The following TEP1 variants were observed in gnomAD, a reference collection of about 807,000 sequenced individuals.
TEP1 encodes telomerase associated protein 1.
A neutral mutation model predicts 306.3 loss-of-function variants in TEP1; 241 were observed. The ratio of observed to expected loss-of-function variants is 0.79; its 90% CI spans 0.71 to 0.88. TEP1 has a LOEUF of 0.88. TEP1 is among the 40% of genes least tolerant of loss of function. The probability of loss-of-function intolerance (pLI) is 0.00; values close to 1 mark genes in which losing one functional copy is unlikely to be tolerated. For missense variants in TEP1, 3,051 were observed against 3,276.1 expected, an observed-to-expected ratio of 0.93 and a Z score of 1.68; for synonymous variants, 1,289 against 1,305.5, an observed-to-expected ratio of 0.99 and a Z score of 0.27.
Position 20,395,619 on chromosome 14 carries a change from AG to A in TEP1, c.1758del (p.Pro588LeufsTer4). On this transcript the variant is annotated frameshift_variant, in exon 12 of 55. Transcript: ENST00000262715. LOFTEE classifies it high-confidence loss of function. ...CTCATCAGTGTTATATTCGAAGGAAAGGGCAATGCTGTATGATGACAGGTAA... is the reference window on the plus strand; with the variant it reads ...CTCATCAGTGTTATATTCGAAGGAAAGGCAATGCTGTATGATGACAGGTAA... Reference protein sequence around the residue: ...LEAQLRNQALPFPSNITLMRR... With the variant: ...LEAQLRNQALXFPSNITLMRR... 6.3e-7 allele frequency: 1 copy of A among 1,595,318 alleles called. No homozygotes were observed. The highest frequency in any genetic ancestry group is 2.3e-5 in the East Asian group (1 of 44,282).
At position 20,380,373 on chromosome 14, in the gene TEP1, CG is replaced by C; in HGVS notation, c.4864del (p.Arg1622GlyfsTer42). On this transcript the variant is annotated frameshift_variant, in exon 34 of 55. Coordinates refer to ENST00000262715, the MANE Select transcript of TEP1 (RefSeq NM_007110.5). LOFTEE classifies it high-confidence loss of function. Reference sequence around the variant, plus strand: ...GTTGGCTGCCTGCTGGGGCAGGAGCCGGGGGTACTGGCTGAGGATTGAAGCC... The same window carrying C: ...GTTGGCTGCCTGCTGGGGCAGGAGCCGGGGTACTGGCTGAGGATTGAAGCC... The part of the protein sequence containing the change: ...QQASILSQYP[R>X]LLPQQAANQP... 8 of 1,614,070 alleles carry C rather than the reference CG, an allele frequency of 5.0e-6. No homozygotes were observed. The highest frequency in any genetic ancestry group is 6.8e-6 in the Non-Finnish European group (8 of 1,180,002).
intron 43 of TEP1, among the ~76,000 whole-genome samples, chr14:20,374,855 C>T (rs1035972156): frequency 2.6e-5 from 4 of 151,978 alleles, no homozygotes; most frequent in African/African-American, 4.8e-5. Flanking sequence ...TTTGGGAGGC[C>T]GAGGCAGGTG....
At chr14:20,387,650 T>C (rs1877316976) in intron 18 of TEP1, among the ~76,000 whole-genome samples, 2 of 152,176 alleles carry the variant, frequency 1.3e-5, no homozygotes, top group African/African-American at 4.8e-5. Context: ...GCCCTCTGCC[T>C]ACGCCCTGGC....
intron 2 of TEP1, among the ~76,000 whole-genome samples, chr14:20,406,731 G>A (rs1879208936): frequency 6.6e-6 from 1 of 152,192 alleles, no homozygotes; most frequent in Admixed American, 6.5e-5. Context: ...GGGGTCAGAA[G>A]AAAAAGGGCA....
Position 20,381,943 on chromosome 14 carries a change from G to A in TEP1, c.4394C>T (p.Pro1465Leu), listed in dbSNP as rs372209391. 1.9e-5 allele frequency: 30 copies of A among 1,613,942 alleles called. No individual in the cohort carries two copies. The highest frequency in any genetic ancestry group is 8.3e-5 in the Admixed American group (5 of 59,988). The change falls in exon 30 of 55, where the codon CCG (proline) becomes CTG (leucine). Residue 1465 changes from proline to leucine, a missense_variant. By Grantham distance (98) the Pro-to-Leu change is moderately conservative. Transcript: ENST00000262715. This position sits in a 1 kb window ranked among gnomAD's most constrained non-coding sequence, Gnocchi z 4.0. ...GNSGDPYPMG[P>L]FACLVQSLRS... is the part of the protein sequence containing the mutation. ...CAGACTCTGGACGAGGCAGGCAAAC[G>A]GGCCCATGGGGTAGGGGTCTCCACT... is the stretch of plus-strand genomic sequence containing the variant.
intron 4 of TEP1, 21 bp downstream of exon 4, chr14:20,405,430 C>CCCT (rs1879102415): frequency 6.2e-7 from 1 of 1,613,008 alleles, no homozygotes; most frequent in Non-Finnish European, 8.5e-7. Flanking sequence ...CACCCCCATC[C>CCCT]CCTCCTTCAC....
intron 12 of TEP1, among the ~76,000 whole-genome samples, chr14:20,392,418 T>C (rs1014795213): frequency 4.0e-5 from 6 of 150,260 alleles, no homozygotes; most frequent in Non-Finnish European, 7.4e-5. Flanking sequence ...AGTATATATA[T>C]AGGATCACCT....
chr14:20,384,430 C>T lies in TEP1; in HGVS notation c.3300G>A (p.Leu1100=). Residue 1100 remains leucine (L), a synonymous_variant, in exon 23 of 55, where the codon CTG becomes CTA. Coordinates refer to ENST00000262715, the MANE Select transcript of TEP1 (RefSeq NM_007110.5). Reference sequence around the variant, plus strand: ...TCTGGATCATATTCCATACATCCTGCAGAACCAACTGCCCAAACTCCTCCA... The same window carrying T: ...TCTGGATCATATTCCATACATCCTGTAGAACCAACTGCCCAAACTCCTCCA... ...GGLEEFGQLV[L]QDVWNMIQKL... 6.2e-7 allele frequency: 1 copy of T among 1,614,178 alleles called. No individual in the cohort carries two copies. Among genetic ancestry groups the T allele is most frequent in the Admixed American group, 1.7e-5 (1 of 60,024 alleles).
chr14:20,399,378 G>A (rs1878473678), intron 9 of TEP1, among the ~76,000 whole-genome samples: 1 of 151,924 alleles, frequency 6.6e-6, no homozygotes, highest in South Asian at 2.1e-4. Flanking sequence ...AAAATAAACT[G>A]GACATTTATC....
intron 17 of TEP1, among the ~76,000 whole-genome samples, chr14:20,388,888 G>T (rs1350789838): frequency 1.3e-5 from 2 of 152,168 alleles, no homozygotes; most frequent in South Asian, 2.1e-4. Context: ...GGTGGCTCAC[G>T]CCTGTAATCC....
In TEP1 at chr14:20,407,858, G is replaced by A; in HGVS notation, c.567+15C>T. On this transcript the variant is annotated intron_variant, in intron 2 of 54. Coordinates refer to ENST00000262715, the MANE Select transcript of TEP1 (RefSeq NM_007110.5). ...AGACATGGCTGGAGTCAAGATGAGTGCCTGGAGCTATTACCAAAGTTGCTT... is the reference window on the plus strand; with the variant it reads ...AGACATGGCTGGAGTCAAGATGAGTACCTGGAGCTATTACCAAAGTTGCTT... 1 of 1,571,214 alleles carries A rather than the reference G, an allele frequency of 6.4e-7. No homozygotes were observed. Among genetic ancestry groups the A allele is most frequent in the Non-Finnish European group, 8.6e-7 (1 of 1,156,732 alleles).
chr14:20,400,899 A>G (rs1418907092), intron 9 of TEP1, 85 bp downstream of exon 9: 2 of 1,522,710 alleles, frequency 1.3e-6, no homozygotes, highest in East Asian at 2.3e-5. Flanking sequence ...TCATCATTCC[A>G]CAGAAATCTT....
At position 20,374,397 on chromosome 14, in the gene TEP1, AC is replaced by A. The variant is rs34475416; in HGVS notation, c.6471+31del. 8.1e-5 allele frequency: 125 copies of A among 1,543,318 alleles called. No individual in the cohort carries two copies. In the East Asian group the frequency reaches 2.6e-3, roughly 32 times the overall value. ...CAAAGCCCCCTTAGCCCTTCCAGAG[AC>A]CCCCCAGTGGGATCTCCATTGCTTT... is the stretch of plus-strand genomic sequence containing the variant. On this transcript the variant is annotated intron_variant, in intron 44 of 54. Transcript: ENST00000262715.
chr14:20,369,856 T>C, intron 51 of TEP1, 77 bp from the exon 52 acceptor site: 1 of 1,149,396 alleles, frequency 8.7e-7, no homozygotes, highest in Non-Finnish European at 1.3e-6. Flanking sequence ...AGTTTTCTGC[T>C]CTGGGCTGGT....
At chr14:20,406,163 G>A in intron 3 of TEP1, 70 bp downstream of exon 3, 1 of 1,547,952 alleles carries the variant, frequency 6.5e-7, no homozygotes, top group Non-Finnish European at 8.8e-7. Context: ...AGGGGACCTG[G>A]TTCAAGTACT....
chr14:20,412,284 A>T (rs2139228633), intron 1 of TEP1, among the ~76,000 whole-genome samples: 1 of 152,258 alleles, frequency 6.6e-6, no homozygotes, highest in Middle Eastern at 3.4e-3. Flanking sequence ...TTTAAAAGAG[A>T]TCTCAAGCCA....
intron 1 of TEP1, among the ~76,000 whole-genome samples, chr14:20,410,793 T>C (rs1594383650): frequency 1.5e-5 from 2 of 136,320 alleles, no homozygotes; most frequent in Non-Finnish European, 1.6e-5. Context: ...TAATTGTTTC[T>C]CCTTTGTGGT....
chr14:20,401,862 A>G (rs2139174988), intron 7 of TEP1, among the ~76,000 whole-genome samples: 1 of 152,340 alleles, frequency 6.6e-6, no homozygotes, highest in Admixed American at 6.5e-5. Flanking sequence ...GGATAGAATG[A>G]ACACAGGACA....
rs1222318269 is a variant in TEP1 at position 20,381,559 on chromosome 14, T to A, written c.4552A>T (p.Ile1518Phe). The change falls in exon 31 of 55, where the codon ATT becomes TTT. Residue 1518 changes from isoleucine (I) to phenylalanine (F), a missense_variant. Ile to Phe is a conservative substitution (Grantham distance 21, BLOSUM62 0). Coordinates refer to ENST00000262715, the MANE Select transcript of TEP1 (RefSeq NM_007110.5). The surrounding 1 kb of genome is among the most constrained non-coding windows in gnomAD (Gnocchi z 4.0). ...TGACTTGGGCTGCAATCACCTGCAATGAGGATGTGTGCCGTGTCCTCTAGC... is the reference window on the plus strand; with the variant it reads ...TGACTTGGGCTGCAATCACCTGCAAAGAGGATGTGTGCCGTGTCCTCTAGC... Reference protein sequence around the residue: ...PGLEDTAHILIAAQLWKTCDA... With the variant: ...PGLEDTAHILFAAQLWKTCDA... 6.2e-7 allele frequency: 1 copy of A among 1,613,612 alleles called. No homozygotes were observed. The highest frequency in any genetic ancestry group is 2.2e-5 in the East Asian group (1 of 44,880).
Sources: allele counts gnomAD v4.1 joint callset (sites outside exome capture counted in the v4.1 genomes callset), GRCh38; gene constraint gnomAD v4.1.1; non-coding constraint Gnocchi (gnomAD v3.1); transcripts MANE v1.5; gene names NCBI Gene and HGNC (gene_info 2026-07-23, HGNC 2026-07-21).